DIS3L2: variants seen among roughly 807,000 people sequenced by gnomAD.
The protein encoded by DIS3L2 is DIS3 like 3'-5' exoribonuclease 2, also known as DIS3-like exonuclease 2.
In DIS3L2, 34 loss-of-function variants were observed where a neutral mutation model predicts 97.5. That is an observed-to-expected ratio of 0.35 (90% CI 0.27 to 0.46). The LOEUF (loss-of-function observed/expected upper bound fraction) is 0.46. Ranked by LOEUF, DIS3L2 falls within the 20% of genes least tolerant of loss-of-function variation. The pLI, the probability that DIS3L2 is intolerant of heterozygous loss-of-function variation, is 1.00. For synonymous variants in DIS3L2, 435 were observed against 445.2 expected, an observed-to-expected ratio of 0.98 and a Z score of 0.29; for missense variants, 1,038 against 1,146.0, an observed-to-expected ratio of 0.91 and a Z score of 1.36.
intron 14 of DIS3L2, among the ~76,000 whole-genome samples, chr2:232,300,321 C>G (rs1031711475): frequency 6.6e-6 from 1 of 152,186 alleles, no homozygotes; most frequent in Non-Finnish European, 1.5e-5. Flanking sequence ...GGAGCACTTG[C>G]AGAGGAGCAG....
At chr2:232,002,056 T>C (rs1693925076) in intron 1 of DIS3L2, among the ~76,000 whole-genome samples, 1 of 152,164 alleles carries the variant, frequency 6.6e-6, no homozygotes, top group Non-Finnish European at 1.5e-5. Flanking sequence ...TTGTATATGT[T>C]GTGAGATGAG....
At chr2:232,315,021 A>G (rs2106333886) in intron 14 of DIS3L2, among the ~76,000 whole-genome samples, 1 of 152,328 alleles carries the variant, frequency 6.6e-6, no homozygotes, top group African/African-American at 2.4e-5. Flanking sequence ...GGGGGAAGCC[A>G]GCTCTCTGGT....
chr2:232,163,702 A>T (rs1690723677), intron 9 of DIS3L2, 70 bp downstream of exon 9: 1 of 1,487,130 alleles, frequency 6.7e-7, no homozygotes, highest in Non-Finnish European at 9.0e-7. Flanking sequence ...GGCTAGGCTT[A>T]GATGTTTTCA....
chr2:232,005,794 A>G (rs2106209569), intron 1 of DIS3L2, among the ~76,000 whole-genome samples: 1 of 152,314 alleles, frequency 6.6e-6, no homozygotes, highest in East Asian at 1.9e-4. Context: ...TTCATCAGTG[A>G]TTCACCTAGT....
chr2:232,329,597 G>T, intron 14 of DIS3L2: 2 of 452,160 alleles, frequency 4.4e-6, no homozygotes, highest in Non-Finnish European at 7.7e-6. Context: ...AGTCAGAGGA[G>T]AAGGCGGTGT....
chr2:232,247,641 G>A (rs1574970432), intron 11 of DIS3L2, among the ~76,000 whole-genome samples: 1 of 78,326 alleles, frequency 1.3e-5, no homozygotes, highest in Non-Finnish European at 3.0e-5. Context: ...GGGGGCGGGG[G>A]GGAGGGTGCC....
At chr2:232,200,154 A>T (rs1414970813) in intron 9 of DIS3L2, among the ~76,000 whole-genome samples, 1 of 152,200 alleles carries the variant, frequency 6.6e-6, no homozygotes, top group Non-Finnish European at 1.5e-5. Flanking sequence ...TAAATATGGA[A>T]TGGGGGAGAT....
intron 13 of DIS3L2, among the ~76,000 whole-genome samples, chr2:232,267,382 T>C (rs1210715319): frequency 1.3e-5 from 2 of 152,206 alleles, no homozygotes; most frequent in African/African-American, 2.4e-5. Context: ...ACTCCTTTGT[T>C]TCATTGCTTA....
At chr2:232,145,055 A>G (rs1690181868) in intron 8 of DIS3L2, among the ~76,000 whole-genome samples, 1 of 152,232 alleles carries the variant, frequency 6.6e-6, no homozygotes, top group South Asian at 2.1e-4. Context: ...GTATTTTTGG[A>G]AAGATTTTTT....
chr2:232,051,687 C>CT (rs1553603564), intron 5 of DIS3L2, among the ~76,000 whole-genome samples: 1 of 149,764 alleles, frequency 6.7e-6, no homozygotes, highest in Non-Finnish European at 1.5e-5. Context: ...TGGCGGGCGC[C>CT]TGTAGTCCCA....
rs568324419 is a variant in DIS3L2 at position 232,212,097 on chromosome 2, CT to C, written c.1204+1697del. ...CCTGGAAATTTTAGAGAAATTATATCTTTTTAAAATCCAAAATTGAAGCAGC... is the reference window on the plus strand; with the variant it reads ...CCTGGAAATTTTAGAGAAATTATATCTTTTAAAATCCAAAATTGAAGCAGC... On this transcript the variant is annotated intron_variant, in intron 10 of 20. Transcript: ENST00000325385. Among the ~76,000 whole-genome samples the C allele has an allele frequency of 2.1e-3, 319 of 152,286 alleles. 1 individual carries two copies. Among genetic ancestry groups the C allele is most frequent in the African/African-American group, 7.3e-3 (303 of 41,552 alleles).
intron 11 of DIS3L2, among the ~76,000 whole-genome samples, chr2:232,247,409 T>C (rs1156645059): frequency 6.6e-6 from 1 of 152,114 alleles, no homozygotes; most frequent in Non-Finnish European, 1.5e-5. Flanking sequence ...TCTTCTTGAT[T>C]TGTATATGGC....
At chr2:231,989,668 T>C (rs944969116) in intron 1 of DIS3L2, among the ~76,000 whole-genome samples, 2 of 151,938 alleles carry the variant, frequency 1.3e-5, no homozygotes, top group Non-Finnish European at 2.9e-5. Context: ...ACCTTGTCTC[T>C]ACAAAAAAGT....
intron 12 of DIS3L2, among the ~76,000 whole-genome samples, chr2:232,256,808 A>AAATG (rs1292428524): frequency 6.6e-6 from 1 of 152,076 alleles, no homozygotes; most frequent in African/African-American, 2.4e-5. Flanking sequence ...TCTAAAATAT[A>AAATG]AATGAATGAA....
At chr2:232,240,761 A>G (rs1285968006) in intron 11 of DIS3L2, among the ~76,000 whole-genome samples, 3 of 152,204 alleles carry the variant, frequency 2.0e-5, no homozygotes, top group Non-Finnish European at 2.9e-5. Flanking sequence ...CTGACCCACA[A>G]GTATCTCTCT....
At chr2:232,342,054 G>A (rs1162599400), downstream of DIS3L2, among the ~76,000 whole-genome samples, 2 of 152,120 alleles carry the variant, frequency 1.3e-5, no homozygotes, top group Non-Finnish European at 2.9e-5. Flanking sequence ...GGTTGTTGGG[G>A]GTAGTTTGTC....
Position 232,008,277 on chromosome 2 carries a change from C to G in DIS3L2, c.-93-6558C>G, listed in dbSNP as rs567880505. 2.3e-3 allele frequency among the ~76,000 whole-genome samples: 341 copies of G among 150,178 alleles called. 2 individuals carry two copies. The highest frequency in any genetic ancestry group is 8.2e-3 in the African/African-American group (334 of 40,706). ...TCCTGGGTTCAAGCAATCTGCCTGTCTTGGCCTCTGAAAGTGCTGGGATTA... is the reference window on the plus strand; with the variant it reads ...TCCTGGGTTCAAGCAATCTGCCTGTGTTGGCCTCTGAAAGTGCTGGGATTA... On this transcript the variant is annotated intron_variant, in intron 1 of 20. Coordinates refer to ENST00000325385, the MANE Select transcript of DIS3L2 (RefSeq NM_152383.5).
intron 9 of DIS3L2, among the ~76,000 whole-genome samples, chr2:232,188,763 G>C (rs1691519901): frequency 6.6e-6 from 1 of 152,174 alleles, no homozygotes; most frequent in South Asian, 2.1e-4. Context: ...GTCTATGAAA[G>C]ATGCTGTTAA....
intron 10 of DIS3L2, among the ~76,000 whole-genome samples, chr2:232,233,920 A>C (rs1247024803): frequency 1.3e-5 from 2 of 152,236 alleles, no homozygotes. Flanking sequence ...GGAGACTGAC[A>C]ACGGGAACCA....
Sources: allele counts gnomAD v4.1 joint callset (sites outside exome capture counted in the v4.1 genomes callset), GRCh38; gene constraint gnomAD v4.1.1; transcripts MANE v1.5; gene names NCBI Gene and HGNC (gene_info 2026-07-23, HGNC 2026-07-21).